MIGA2: variants seen among roughly 807,000 people sequenced by gnomAD.
The protein encoded by MIGA2 is mitoguardin 2, also known as family with sequence similarity 73, member B.
In MIGA2, 36 loss-of-function variants were observed where a neutral mutation model predicts 69.9. The ratio of observed to expected loss-of-function variants is 0.52; its 90% CI spans 0.39 to 0.68. The LOEUF is 0.68. MIGA2 is among the 30% of genes least tolerant of loss of function. The pLI, the probability that MIGA2 is intolerant of heterozygous loss-of-function variation, is 0.00. For missense variants in MIGA2, 660 were observed against 787.7 expected (o/e 0.84, Z 1.94); for synonymous variants, 333 against 349.2 (o/e 0.95, Z 0.52).
In MIGA2 at chr9:129,069,277, T is replaced by A; in HGVS notation, c.1458+148T>A. 3 of 969,462 alleles carry A rather than the reference T, an allele frequency of 3.1e-6. No homozygotes were observed. In the South Asian group the frequency reaches 4.2e-5, roughly 13 times the overall value. 60.1% of individuals were successfully genotyped at this position (969,462 alleles called of 1,614,324 possible). On this transcript the variant is annotated intron_variant, in intron 14 of 15. Transcript: ENST00000684074. This position sits in a 1 kb window ranked among gnomAD's most constrained non-coding sequence, Gnocchi z 4.9. ...CTTGTTCCGCCGTTACCTCTCCCTG[T>A]GCCAGGAGCTCCCTGGAGGCTCGTG...
intron 11 of MIGA2, among the ~76,000 whole-genome samples, chr9:129,064,916 G>A (rs1284033456): frequency 6.6e-6 from 1 of 151,646 alleles, no homozygotes; most frequent in Non-Finnish European, 1.5e-5. Flanking sequence ...CTGAGTAGCT[G>A]GGATTACAGG....
At chr9:129,040,965 C>T (rs1226534132) in intron 2 of MIGA2, among the ~76,000 whole-genome samples, 3 of 151,794 alleles carry the variant, frequency 2.0e-5, no homozygotes, top group South Asian at 4.2e-4. Context: ...CCGGGACGGG[C>T]GGATCACCTG....
chr9:129,049,541 G>T (rs1356408118), intron 5 of MIGA2, 43 bp downstream of exon 5: 5 of 1,581,336 alleles, frequency 3.2e-6, no homozygotes. Context: ...AGGGTGGGTG[G>T]CAGGAACAGT....
At position 129,068,396 on chromosome 9, in the gene MIGA2, C is replaced by G; in HGVS notation, c.1404+64C>G. 1 of 1,588,606 alleles carries G rather than the reference C, an allele frequency of 6.3e-7. No homozygotes were observed. Among genetic ancestry groups the G allele is most frequent in the Non-Finnish European group, 8.5e-7 (1 of 1,174,532 alleles). ...CATCAGCCCGTGTGGTTGCCTGGCTCCGTCCCCTCTGTCCCTAGCACTGGC... is the reference window on the plus strand; with the variant it reads ...CATCAGCCCGTGTGGTTGCCTGGCTGCGTCCCCTCTGTCCCTAGCACTGGC... On this transcript the variant is annotated intron_variant, in intron 13 of 15. Coordinates refer to ENST00000684074, the MANE Select transcript of MIGA2 (RefSeq NM_001329990.2). The surrounding 1 kb of genome is among the most constrained non-coding windows in gnomAD (Gnocchi z 4.1).
At position 129,068,454 on chromosome 9, in the gene MIGA2, G is replaced by A. The variant is rs17433164; in HGVS notation, c.1404+122G>A. 1.0e-4 allele frequency: 141 copies of A among 1,393,012 alleles called. No individual in the cohort carries two copies. The highest frequency in any genetic ancestry group is 1.3e-4 in the Non-Finnish European group (129 of 1,027,946). The allele number at this position is 1,393,012 out of a possible 1,614,324, so 86.3% of individuals were successfully genotyped here. ...CTGGGCCCCCACCCCCTAGATCCGC[G>A]GCTGCCAGGCCTGGGAGACCAGAGT... On this transcript the variant is annotated intron_variant, in intron 13 of 15. Coordinates refer to ENST00000684074, the MANE Select transcript of MIGA2 (RefSeq NM_001329990.2). The surrounding 1 kb of genome is among the most constrained non-coding windows in gnomAD (Gnocchi z 4.1).
chr9:129,036,999 G>A, intron 1 of MIGA2: 2 of 1,002,934 alleles, frequency 2.0e-6, no homozygotes, highest in South Asian at 4.7e-5. Flanking sequence ...GCCGTGAGCG[G>A]CGCCAGAGGG....
rs998271905 is a variant in MIGA2, at chr9:129,067,853, G to A, written c.1251G>A (p.Leu417=). 6.2e-7 allele frequency: 1 copy of A among 1,612,430 alleles called. No homozygotes were observed. The highest frequency in any genetic ancestry group is 8.5e-7 in the Non-Finnish European group (1 of 1,179,632). ...CCGAGACCTGGGCCACAACACGGCTGGAGCTGGAGGGCCGAGGGGTGAGTT... is the reference window on the plus strand; with the variant it reads ...CCGAGACCTGGGCCACAACACGGCTAGAGCTGGAGGGCCGAGGGGTGAGTT... The part of the protein sequence containing the change: ...LRPETWATTR[L]ELEGRGVVCM... Residue 417 remains leucine (L), a synonymous_variant, in exon 12 of 16, where the codon CTG becomes CTA. Transcript: ENST00000684074.
intron 3 of MIGA2, among the ~76,000 whole-genome samples, chr9:129,046,919 C>T (rs949020476): frequency 5.3e-5 from 8 of 151,992 alleles, no homozygotes; most frequent in African/African-American, 9.7e-5. Context: ...GCTGGGATTA[C>T]AGGCGTGTGC....
At chr9:129,065,671 GACA>G (rs1335916646) in intron 11 of MIGA2, among the ~76,000 whole-genome samples, 1 of 152,106 alleles carries the variant, frequency 6.6e-6, no homozygotes, top group African/African-American at 2.4e-5. Flanking sequence ...TTTAATGAAA[GACA>G]ACGCCTGTAT....
chr9:129,064,836 G>A (rs1846257856), intron 11 of MIGA2, among the ~76,000 whole-genome samples: 1 of 151,014 alleles, frequency 6.6e-6, no homozygotes. Context: ...AGTCTGGAGT[G>A]CAATGTCACG....
chr9:129,056,451 C>T (rs976014760), intron 6 of MIGA2, among the ~76,000 whole-genome samples: 11 of 151,728 alleles, frequency 7.2e-5, no homozygotes, highest in African/African-American at 2.2e-4. Context: ...AGGCAATGCA[C>T]GTCACAGAAG....
Position 129,069,804 on chromosome 9 carries a change from C to T in MIGA2, c.1459-45C>T, listed in dbSNP as rs755145681. On this transcript the variant is annotated intron_variant, in intron 14 of 15. Transcript: ENST00000684074. The surrounding 1 kb of genome is among the most constrained non-coding windows in gnomAD (Gnocchi z 4.9). ...CGACACCTGGGCCTGGTGCCCTCATCCTACCTGGGCCCCGCCTGGCCCCTC... is the reference window on the plus strand; with the variant it reads ...CGACACCTGGGCCTGGTGCCCTCATTCTACCTGGGCCCCGCCTGGCCCCTC... 1 of 1,400,812 alleles carries T rather than the reference C, an allele frequency of 7.1e-7. No individual in the cohort carries two copies. Among genetic ancestry groups the T allele is most frequent in the Non-Finnish European group, 1.0e-6 (1 of 987,474 alleles). The allele number at this position is 1,400,812 out of a possible 1,614,324, so 86.8% of individuals were successfully genotyped here.
Position 129,060,546 on chromosome 9 carries a change from C to T in MIGA2, c.794-4C>T, listed in dbSNP as rs753637245. 14 of 1,588,112 alleles carry T rather than the reference C, an allele frequency of 8.8e-6. No homozygotes were observed. Among genetic ancestry groups the T allele is most frequent in the Admixed American group, 3.5e-5 (2 of 56,884 alleles). Reference sequence around the variant, plus strand: ...GCCCCGCTTTCTCTCACTGCTCTTCCCAGAGAGGACCCTCATGCTGCCCCT... The same window carrying T: ...GCCCCGCTTTCTCTCACTGCTCTTCTCAGAGAGGACCCTCATGCTGCCCCT... On this transcript the variant is annotated splice_polypyrimidine_tract_variant and splice_region_variant and intron_variant, in intron 7 of 15. Coordinates refer to ENST00000684074, the MANE Select transcript of MIGA2 (RefSeq NM_001329990.2). The surrounding 1 kb of genome is among the most constrained non-coding windows in gnomAD (Gnocchi z 4.8).
rs756233621 is a variant in MIGA2 at position 129,061,330 on chromosome 9, C to T, written c.994C>T (p.Pro332Ser). Residue 332 changes from proline to serine, a missense_variant, in exon 9 of 16, where the codon CCT becomes TCT. Physicochemically the swap from Pro to Ser is moderately conservative, Grantham distance 74 (BLOSUM62 -1). Coordinates refer to ENST00000684074, the MANE Select transcript of MIGA2 (RefSeq NM_001329990.2). This position sits in a 1 kb window ranked among gnomAD's most constrained non-coding sequence, Gnocchi z 5.0. ...GCAGCTGGTGAAGGAGGGGAGAGTG[C>T]CTTGCCGGACCCTCAGGTGAGCAGG... ...ALQLVKEGRV[P>S]CRTLRTELLG... 8 of 1,611,508 alleles carry T rather than the reference C, an allele frequency of 5.0e-6. No homozygotes were observed. Among genetic ancestry groups the T allele is most frequent in the South Asian group, 2.2e-5 (2 of 90,608 alleles).
In MIGA2 at chr9:129,061,416, G is replaced by A. The variant is rs1361177311; in HGVS notation, c.1010+70G>A. ...GGTGATTCTGGCCCTTGCGGGAGGC[G>A]GAGAAGCCAGCGGTGCTTGGCGAGG... On this transcript the variant is annotated intron_variant, in intron 9 of 15. Coordinates refer to ENST00000684074, the MANE Select transcript of MIGA2 (RefSeq NM_001329990.2). This position sits in a 1 kb window ranked among gnomAD's most constrained non-coding sequence, Gnocchi z 5.0. 17 of 1,395,756 alleles carry A rather than the reference G, an allele frequency of 1.2e-5. No individual in the cohort carries two copies. Among genetic ancestry groups the A allele is most frequent in the South Asian group, 7.7e-5 (6 of 78,218 alleles). 86.5% of individuals were successfully genotyped at this position (1,395,756 alleles called of 1,614,324 possible). A position where few individuals can be genotyped will look rare whatever the true frequency, so the allele number is the denominator to read the frequency against.
At chr9:129,043,554 T>C (rs986393031) in intron 3 of MIGA2, among the ~76,000 whole-genome samples, 2 of 150,934 alleles carry the variant, frequency 1.3e-5, no homozygotes, top group African/African-American at 4.9e-5. Context: ...GCCTGGCTAA[T>C]TTTTGTATTT....
intron 3 of MIGA2, among the ~76,000 whole-genome samples, chr9:129,047,516 G>A (rs545145920): frequency 1.3e-5 from 2 of 152,058 alleles, no homozygotes; most frequent in African/African-American, 4.8e-5. Flanking sequence ...AGGTTCAAGC[G>A]ATTCTCCTGC....
chr9:129,042,528 G>T lies in MIGA2; in HGVS notation c.307+14G>T. 6.5e-7 allele frequency: 1 copy of T among 1,546,800 alleles called. No individual in the cohort carries two copies. Among genetic ancestry groups the T allele is most frequent in the Non-Finnish European group, 8.7e-7 (1 of 1,148,766 alleles). ...CAGTGAAGAAAGGTAGGTGTGAGGT[G>T]GTGGGCATAGGCCTGACCTGAGGTC... On this transcript the variant is annotated intron_variant, in intron 3 of 15. Coordinates refer to ENST00000684074, the MANE Select transcript of MIGA2 (RefSeq NM_001329990.2).
At position 129,060,397 on chromosome 9, in the gene MIGA2, G is replaced by T. The variant is rs554164151; in HGVS notation, c.794-153G>T. 4.8e-6 allele frequency: 3 copies of T among 627,016 alleles called. No individual in the cohort carries two copies. Among genetic ancestry groups the T allele is most frequent in the East Asian group, 5.8e-5 (2 of 34,478 alleles). The allele number at this position is 627,016 out of a possible 1,614,324, so 38.8% of individuals were successfully genotyped here. A position where few individuals can be genotyped will look rare whatever the true frequency, so the allele number is the denominator to read the frequency against. ...GAGTCCAGCGTCCTCACACAGAAGC[G>T]CTTGGCACGTCAGAGCTTTGCCATT... On this transcript the variant is annotated intron_variant, in intron 7 of 15. Transcript: ENST00000684074. The surrounding 1 kb of genome is among the most constrained non-coding windows in gnomAD (Gnocchi z 4.8).
Sources: allele counts gnomAD v4.1 joint callset (sites outside exome capture counted in the v4.1 genomes callset), GRCh38; gene constraint gnomAD v4.1.1; non-coding constraint Gnocchi (gnomAD v3.1); transcripts MANE v1.5; gene names NCBI Gene and HGNC (gene_info 2026-07-23, HGNC 2026-07-21).